The following POLN variants were observed in gnomAD, a reference collection of about 807,000 sequenced individuals.
POLN encodes the protein DNA polymerase nu.
In POLN, 108 loss-of-function variants were observed where a neutral mutation model predicts 113.5. The observed-to-expected ratio is 0.95, with a 90% CI of 0.81 to 1.12. The LOEUF is 1.12. Ranked by LOEUF, POLN falls within the 50% of genes most tolerant of loss-of-function variation. POLN has a pLI of 0.00. For missense variants in POLN, 1,097 were observed against 1,077.1 expected (o/e 1.02, Z -0.26); for synonymous variants, 386 against 391.5 (o/e 0.99, Z 0.17).
intron 2 of POLN, chr4:2,240,401 A>C: frequency 6.2e-7 from 1 of 1,612,504 alleles, no homozygotes; most frequent in Non-Finnish European, 8.5e-7. Context: ...CTAAATTAGA[A>C]TGTCTGAAGA....
rs188745958 is a variant in POLN, at chr4:2,128,245, G to A, written c.1868-18C>T. 1.2e-5 allele frequency: 18 copies of A among 1,517,470 alleles called. No individual in the cohort carries two copies. The East Asian group carries it at 1.8e-4, about 15-fold the overall frequency. The allele number at this position is 1,517,470 out of a possible 1,614,324, so 94.0% of individuals were successfully genotyped here. ...TGAAAAGTCTGTGAGATACAGTTCT[G>A]CATTAATTTAGAGTTTGCCAGCAAT... On this transcript the variant is annotated intron_variant, in intron 18 of 25. Transcript: ENST00000511885.
rs962618166 is a variant in POLN at position 2,224,763 on chromosome 4, C to T, written c.133+4336G>A. ...GTCAGGAGTTCAAGATCAGCCTGGCCAACATGGTGAAACCCTGCCTCCACT... is the reference window on the plus strand; with the variant it reads ...GTCAGGAGTTCAAGATCAGCCTGGCTAACATGGTGAAACCCTGCCTCCACT... On this transcript the variant is annotated intron_variant, in intron 3 of 25. Transcript: ENST00000511885. 2.6e-5 allele frequency among the ~76,000 whole-genome samples: 4 copies of T among 152,038 alleles called. No individual in the cohort carries two copies. In the South Asian group the frequency reaches 8.3e-4, roughly 32 times the overall value.
At chr4:2,105,567 A>T (rs1287233173) in intron 19 of POLN, among the ~76,000 whole-genome samples, 1 of 152,202 alleles carries the variant, frequency 6.6e-6, no homozygotes, top group Admixed American at 6.5e-5. Context: ...ATGAAAGTTC[A>T]GGAAGAGCTG....
intron 20 of POLN, chr4:2,090,669 C>T (rs187014255): frequency 1.6e-4 from 41 of 260,304 alleles, no homozygotes; most frequent in African/African-American, 7.1e-4. Context: ...CAAAACACTC[C>T]GCTTAGATAC....
In POLN at chr4:2,242,102, T is replaced by A. The variant is rs1326479017; in HGVS notation, c.-335A>T. ...AGGAGCCCGCCGCCACCGCCCTCCGTGCCCCGCGCGCCTCGCACTGCCTCA... is the reference window on the plus strand; with the variant it reads ...AGGAGCCCGCCGCCACCGCCCTCCGAGCCCCGCGCGCCTCGCACTGCCTCA... On this transcript the variant is annotated 5_prime_UTR_variant, in exon 1 of 26. Transcript: ENST00000511885. The A allele has an allele frequency of 1.0e-6, 1 of 985,882 alleles. No individual in the cohort carries two copies. Among genetic ancestry groups the A allele is most frequent in the East Asian group, 1.1e-4 (1 of 8,814 alleles). The allele number at this position is 985,882 out of a possible 1,614,324, so 61.1% of individuals were successfully genotyped here. A position where few individuals can be genotyped will look rare whatever the true frequency, so the allele number is the denominator to read the frequency against.
intron 19 of POLN, among the ~76,000 whole-genome samples, chr4:2,101,884 G>A (rs1179961729): frequency 2.0e-5 from 3 of 152,180 alleles, no homozygotes; most frequent in East Asian, 3.9e-4. Context: ...TCTTGAGCTG[G>A]GTAGGGGCTC....
chr4:2,240,301 A>G (rs763083215), intron 2 of POLN: 40 of 1,610,654 alleles, frequency 2.5e-5, no homozygotes, highest in Non-Finnish European at 3.3e-5. Flanking sequence ...TTGGTATACA[A>G]AGTTAATGCT....
chr4:2,193,684 C>T (rs1278447273), intron 6 of POLN, among the ~76,000 whole-genome samples: 5 of 152,174 alleles, frequency 3.3e-5, no homozygotes, highest in African/African-American at 1.2e-4. Context: ...AAACATTCTA[C>T]CCTCTCGTCG....
chr4:2,230,478 A>G (rs533786860), intron 2 of POLN: 1 of 152,344 alleles, frequency 6.6e-6, no homozygotes, highest in South Asian at 2.1e-4. Context: ...TACAACAAAA[A>G]AAAAGTTGCT....
chr4:2,181,147 TTTTG>T (rs1003249425), intron 7 of POLN, among the ~76,000 whole-genome samples: 8 of 152,026 alleles, frequency 5.3e-5, no homozygotes, highest in Admixed American at 2.6e-4. Context: ...TGTTTGTTTG[TTTTG>T]TTTGTTTTTT....
chr4:2,081,043 G>C lies in POLN; in HGVS notation c.2309-7C>G. On this transcript the variant is annotated splice_region_variant and splice_polypyrimidine_tract_variant and intron_variant, in intron 22 of 25. Coordinates refer to ENST00000511885, the MANE Select transcript of POLN (RefSeq NM_181808.4). ...CAGAGGTCAGCAGCGGAGCCTATGG[G>C]GCGCGTGGTACTGTCTTGAGGTCCC... 1 of 1,613,562 alleles carries C rather than the reference G, an allele frequency of 6.2e-7. No individual in the cohort carries two copies. Among genetic ancestry groups the C allele is most frequent in the Non-Finnish European group, 8.5e-7 (1 of 1,179,980 alleles).
intron 4 of POLN, among the ~76,000 whole-genome samples, chr4:2,209,776 C>T (rs1241736538): frequency 6.7e-6 from 1 of 150,018 alleles, no homozygotes; most frequent in Non-Finnish European, 1.5e-5. Context: ...ATCCTCCCAC[C>T]TCAGCCTCCC....
chr4:2,199,442 A>G (rs1444527740), intron 5 of POLN, among the ~76,000 whole-genome samples: 1 of 152,196 alleles, frequency 6.6e-6, no homozygotes, highest in Non-Finnish European at 1.5e-5. Context: ...ATACATCAAC[A>G]TCATTTGCTT....
At chr4:2,074,588 G>A (rs1015120160) in intron 24 of POLN, among the ~76,000 whole-genome samples, 8 of 152,222 alleles carry the variant, frequency 5.3e-5, no homozygotes, top group Admixed American at 4.6e-4. Flanking sequence ...TTAGGATGGA[G>A]TGGTCTGGGT....
In POLN at chr4:2,095,874, A is replaced by T. The variant is rs1389960600; in HGVS notation, c.2042T>A (p.Val681Glu). The T allele has an allele frequency of 6.2e-7, 1 of 1,614,046 alleles. No individual in the cohort carries two copies. Residue 681 changes from valine to glutamate, a missense_variant, in exon 20 of 26, where the codon GTG becomes GAG. By Grantham distance (121) the Val-to-Glu change is moderately radical. Transcript: ENST00000511885. The stretch of plus-strand genomic sequence containing the variant: ...ACCTGCTCCATAGACCACCGCGTAC[A>T]CCACCTTCTTGGTTTGCTCTCTGTC... ...HADREQTKKV[V>E]YAVVYGAGKE...
At chr4:2,164,802 C>CAAAAAAAAAAAAAAAAA (rs33935159) in intron 13 of POLN, among the ~76,000 whole-genome samples, 1 of 28,694 alleles carries the variant, frequency 3.5e-5, no homozygotes, top group Non-Finnish European at 6.9e-5. Context: ...GACTCTGTCT[C>CAAAAAAAAAAAAAAAAA]AAAAAAAAAA....
At chr4:2,216,152 A>T (rs1193965778) in intron 3 of POLN, among the ~76,000 whole-genome samples, 1 of 152,210 alleles carries the variant, frequency 6.6e-6, no homozygotes, top group Non-Finnish European at 1.5e-5. Flanking sequence ...TGGAAATTAC[A>T]TTCCTTGCCA....
chr4:2,107,632 GAAGA>G (rs1436382133), intron 19 of POLN, among the ~76,000 whole-genome samples: 1 of 152,166 alleles, frequency 6.6e-6, no homozygotes, highest in African/African-American at 2.4e-5. Context: ...GTGGAAACGC[GAAGA>G]GAGAAAAGGC....
At chr4:2,131,802 C>T (rs149572468) in intron 16 of POLN, among the ~76,000 whole-genome samples, 132 of 152,276 alleles carry the variant, frequency 8.7e-4, no homozygotes, top group African/African-American at 3.1e-3. Flanking sequence ...ACTCTTAGGG[C>T]CATCTGTTAA....
Sources: gnomAD v4.1 joint callset for allele counts (sites outside exome capture counted in the v4.1 genomes callset) on GRCh38, gnomAD v4.1.1 for gene constraint, MANE v1.5 for transcripts, NCBI Gene and HGNC (gene_info 2026-07-23, HGNC 2026-07-21) for gene names.